SPTBN1: variants seen among roughly 807,000 people sequenced by gnomAD.
The protein encoded by SPTBN1 is spectrin beta chain, non-erythrocytic 1.
A neutral mutation model predicts 266.4 loss-of-function variants in SPTBN1; 32 were observed. That is an observed-to-expected ratio of 0.12 (90% CI 0.09 to 0.16). The LOEUF (loss-of-function observed/expected upper bound fraction) is 0.16. Among genes scored for constraint, SPTBN1 ranks in the 10% least tolerant of loss-of-function variants. The pLI, the probability that SPTBN1 is intolerant of heterozygous loss-of-function variation, is 1.00. For missense variants in SPTBN1, 2,296 were observed against 3,067.1 expected (o/e 0.75, Z 5.94); for synonymous variants, 1,336 against 1,162.2 (o/e 1.15, Z -3.04).
intron 2 of SPTBN1, among the ~76,000 whole-genome samples, chr2:54,548,553 A>C (rs1486327074): frequency 6.6e-6 from 1 of 152,182 alleles, no homozygotes; most frequent in African/African-American, 2.4e-5. Context: ...GGCCCACTTC[A>C]TTGACTGGCA....
At chr2:54,550,292 G>T (rs959202233) in intron 2 of SPTBN1, among the ~76,000 whole-genome samples, 3 of 152,194 alleles carry the variant, frequency 2.0e-5, no homozygotes, top group African/African-American at 7.2e-5. Context: ...CCAGCGAGTG[G>T]CTGCCTAGCA....
At chr2:54,640,391 G>T (rs143079253) in intron 18 of SPTBN1, among the ~76,000 whole-genome samples, 19 of 151,966 alleles carry the variant, frequency 1.3e-4, no homozygotes, top group African/African-American at 4.4e-4. Context: ...TGTAAGATCC[G>T]CCCCTGTTAC....
At chr2:54,661,806 TA>T in intron 32 of SPTBN1, 1 of 985,410 alleles carries the variant, frequency 1.0e-6, no homozygotes, top group Non-Finnish European at 1.2e-6. Context: ...TTTTTGTATC[TA>T]GAAGACCCTC....
chr2:54,650,172 C>A (rs908845376), intron 26 of SPTBN1, among the ~76,000 whole-genome samples, 183 bp downstream of exon 26: 1 of 152,198 alleles, frequency 6.6e-6, no homozygotes, highest in African/African-American at 2.4e-5. Flanking sequence ...TAAAGGTCTA[C>A]GTTTGCCACA....
chr2:54,534,234 T>C (rs544742016), intron 2 of SPTBN1, among the ~76,000 whole-genome samples: 2 of 152,348 alleles, frequency 1.3e-5, no homozygotes, highest in South Asian at 2.1e-4. Context: ...GGTGACACTT[T>C]CCTGCCCCAA....
chr2:54,467,920 G>C (rs1047449278), intron 1 of SPTBN1, among the ~76,000 whole-genome samples: 1 of 151,968 alleles, frequency 6.6e-6, no homozygotes, highest in Non-Finnish European at 1.5e-5. Flanking sequence ...TGAAATAATA[G>C]ATGTTTTAGA....
At chr2:54,517,531 A>AT (rs1376214399) in intron 1 of SPTBN1, among the ~76,000 whole-genome samples, 1 of 152,206 alleles carries the variant, frequency 6.6e-6, no homozygotes, top group African/African-American at 2.4e-5. Flanking sequence ...AAAATACTTT[A>AT]TTAACAAGAG....
At chr2:54,469,984 A>G (rs1425040463) in intron 1 of SPTBN1, among the ~76,000 whole-genome samples, 1 of 152,164 alleles carries the variant, frequency 6.6e-6, no homozygotes, top group Non-Finnish European at 1.5e-5. Flanking sequence ...CTCTGTTTCA[A>G]AGGTAGGTTT....
intron 2 of SPTBN1, among the ~76,000 whole-genome samples, chr2:54,553,796 C>G (rs553029675): frequency 4.6e-5 from 7 of 152,330 alleles, no homozygotes; most frequent in African/African-American, 1.7e-4. Context: ...TTGATAGTGT[C>G]TGGATGTTCA....
intron 2 of SPTBN1, among the ~76,000 whole-genome samples, chr2:54,536,946 T>C (rs1169331899): frequency 6.6e-6 from 1 of 152,306 alleles, no homozygotes; most frequent in South Asian, 2.1e-4. Context: ...GGTGGGAGGA[T>C]TGCTTCAGCC....
chr2:54,531,777 C>T (rs1212963496), intron 2 of SPTBN1, among the ~76,000 whole-genome samples: 3 of 151,904 alleles, frequency 2.0e-5, no homozygotes, highest in South Asian at 2.1e-4. Flanking sequence ...CGTCACTCAT[C>T]GCCACCCCCA....
chr2:54,656,431 C>T (rs1173075662), intron 29 of SPTBN1, among the ~76,000 whole-genome samples: 1 of 152,116 alleles, frequency 6.6e-6, no homozygotes, highest in East Asian at 1.9e-4. Flanking sequence ...AGGCATTGTT[C>T]TAAGTGGTTT....
At chr2:54,532,307 AATTAAC>A (rs1043873293) in intron 2 of SPTBN1, among the ~76,000 whole-genome samples, 3 of 152,190 alleles carry the variant, frequency 2.0e-5, no homozygotes, top group African/African-American at 7.2e-5. Flanking sequence ...TAATAGTTAG[AATTAAC>A]ATTGAGTATT....
rs116364596 is a variant in SPTBN1, at chr2:54,626,567, A to G, written c.1644+333A>G. Among the ~76,000 whole-genome samples the G allele has an allele frequency of 0.024, 3,589 of 152,178 alleles. 62 individuals carry two copies. Among genetic ancestry groups the G allele is most frequent in the Non-Finnish European group, 0.036 (2,447 of 68,000 alleles). On this transcript the variant is annotated intron_variant, in intron 12 of 35. Transcript: ENST00000356805. This position sits in a 1 kb window ranked among gnomAD's most constrained non-coding sequence, Gnocchi z 4.7. ...TAACTTACCGTTTCATTGATCTGTG[A>G]GTGAGTGGTACTACTTTGGGCAGGG... is the stretch of plus-strand genomic sequence containing the variant.
Position 54,489,201 on chromosome 2 carries a change from G to A in SPTBN1, c.-48+32683G>A, listed in dbSNP as rs368787388. Among the ~76,000 whole-genome samples, 49 of 145,092 alleles carry A rather than the reference G, an allele frequency of 3.4e-4. 2 individuals carry two copies. The East Asian group carries it at 0.01, about 30-fold the overall frequency. On this transcript the variant is annotated intron_variant, in intron 1 of 35. Transcript: ENST00000356805. ...CCAGGCATGGTGGTGTGTGCCTACAGTCCCACCTACTCAGGAGGTAGAGGC... is the reference window on the plus strand; with the variant it reads ...CCAGGCATGGTGGTGTGTGCCTACAATCCCACCTACTCAGGAGGTAGAGGC...
chr2:54,593,823 C>CTTTTTTTTTTTTTTTTT (rs374877354), intron 2 of SPTBN1, among the ~76,000 whole-genome samples: 4 of 64,782 alleles, frequency 6.2e-5, no homozygotes, highest in Non-Finnish European at 1.1e-4. Flanking sequence ...CATGGAAACA[C>CTTTTTTTTTTTTTTTTT]TTTTTTTTTT....
intron 7 of SPTBN1, among the ~76,000 whole-genome samples, chr2:54,620,815 T>C (rs972241081): frequency 3.3e-5 from 5 of 152,198 alleles, no homozygotes; most frequent in African/African-American, 9.7e-5. Flanking sequence ...GAAGCGCTTA[T>C]AGTTTATTCT....
In SPTBN1 at chr2:54,601,388, C is replaced by G. The variant is rs1188605637; in HGVS notation, c.300+2145C>G. Among the ~76,000 whole-genome samples, 5 of 152,320 alleles carry G rather than the reference C, an allele frequency of 3.3e-5. 1 individual carries two copies. The highest frequency in any genetic ancestry group is 1.2e-4 in the African/African-American group (5 of 41,566). On this transcript the variant is annotated intron_variant, in intron 3 of 35. Transcript: ENST00000356805. ...CTCGTAGTCTGTTTGGTTCATGGAA[C>G]TTCCTGGAAAGGAAACACACCACAC... is the stretch of plus-strand genomic sequence containing the variant.
chr2:54,659,185 A>G lies in SPTBN1; in HGVS notation c.6275A>G (p.Glu2092Gly), dbSNP rs1226656223. 8 of 1,614,032 alleles carry G rather than the reference A, an allele frequency of 5.0e-6. No homozygotes were observed. Among genetic ancestry groups the G allele is most frequent in the Non-Finnish European group, 6.8e-6 (8 of 1,179,962 alleles). Residue 2092 changes from glutamate (E) to glycine (G), a missense_variant, in exon 31 of 36, where the codon GAG becomes GGG. Glu to Gly is a moderately conservative substitution (Grantham distance 98). Coordinates refer to ENST00000356805, the MANE Select transcript of SPTBN1 (RefSeq NM_003128.3). Reference protein sequence around the residue: ...LELLEVRRQQEEEERKRRPPS... With the variant: ...LELLEVRRQQGEEERKRRPPS... ...TTACTGGAAGTGCGCAGACAGCAAGAGGAAGAGGAGAGGAAGAGGCGGCCG... is the reference window on the plus strand; with the variant it reads ...TTACTGGAAGTGCGCAGACAGCAAGGGGAAGAGGAGAGGAAGAGGCGGCCG...
Sources: gnomAD v4.1 joint callset for allele counts (sites outside exome capture counted in the v4.1 genomes callset) on GRCh38, gnomAD v4.1.1 for gene constraint, Gnocchi (gnomAD v3.1) non-coding constraint, MANE v1.5 for transcripts, NCBI Gene and HGNC (gene_info 2026-07-23, HGNC 2026-07-21) for gene names.